SPART: variants seen among roughly 807,000 people sequenced by gnomAD.
SPART encodes spartin, also known as spastic paraplegia 20 (Troyer syndrome).
In SPART, 35 loss-of-function variants were observed where a neutral mutation model predicts 58.7. That is an observed-to-expected ratio of 0.60 (90% CI 0.46 to 0.79). The LOEUF is 0.79. SPART is among the 30% of genes least tolerant of loss of function. The pLI is 0.00. For synonymous variants in SPART, 284 were observed against 280.7 expected (o/e 1.01, Z -0.12); for missense variants, 730 against 786.1 (o/e 0.93, Z 0.85).
intron 5 of SPART, 116 bp downstream of exon 5, chr13:36,326,459 T>A (rs1275027437): frequency 7.4e-7 from 1 of 1,358,048 alleles, no homozygotes; most frequent in African/African-American, 1.4e-5. Context: ...AAATTGATCA[T>A]TTAAAACCAA....
intron 8 of SPART, 33 bp downstream of exon 8, chr13:36,312,112 G>C (rs1364476810): frequency 6.3e-7 from 1 of 1,581,614 alleles, no homozygotes; most frequent in African/African-American, 1.3e-5. Context: ...CAACAAAACA[G>C]AGATTTAGTC....
intron 1 of SPART, among the ~76,000 whole-genome samples, chr13:36,336,729 G>A (rs372052677): frequency 7.9e-5 from 12 of 152,246 alleles, no homozygotes; most frequent in Admixed American, 6.5e-5. Flanking sequence ...CCAAAAACAT[G>A]TATGGCAATA....
chr13:36,335,278 C>G lies in SPART; in HGVS notation c.553G>C (p.Val185Leu). 1.2e-6 allele frequency: 2 copies of G among 1,614,152 alleles called. No homozygotes were observed. The highest frequency in any genetic ancestry group is 8.5e-7 in the Non-Finnish European group (1 of 1,180,016). ...TCCCCAGAATCTGTTCCATAGGATA[C>G]AGTGTAGTGACCTTCAGCAGCTTGA... ...TPQAAEGHYT[V>L]SYGTDSGEFS... The change falls in exon 2 of 9, where the codon GTA (valine) becomes CTA (leucine). Residue 185 changes from valine to leucine, a missense_variant. Coordinates refer to ENST00000438666, the MANE Select transcript of SPART (RefSeq NM_015087.5).
chr13:36,335,347 G>A lies in SPART; in HGVS notation c.484C>T (p.Pro162Ser). 1 of 1,614,076 alleles carries A rather than the reference G, an allele frequency of 6.2e-7. No individual in the cohort carries two copies. The highest frequency in any genetic ancestry group is 1.1e-5 in the South Asian group (1 of 91,074). The part of the protein sequence containing the change: ...AVAAPASLSL[P>S]SQSCPAEAPP... ...GCTTCTGCTGGACAACTTTGTGATG[G>A]TAAAGACAGAGAAGCAGGTGCAGCA... Residue 162 changes from proline (P) to serine (S), a missense_variant, in exon 2 of 9, where the codon CCA becomes TCA. Coordinates refer to ENST00000438666, the MANE Select transcript of SPART (RefSeq NM_015087.5).
upstream of SPART, among the ~76,000 whole-genome samples, chr13:36,347,038 G>C (rs1413063669): frequency 6.6e-6 from 1 of 151,974 alleles, no homozygotes; most frequent in Non-Finnish European, 1.5e-5. Flanking sequence ...TCCTGATTCC[G>C]GGATACAAAG....
intron 1 of SPART, among the ~76,000 whole-genome samples, chr13:36,358,040 C>T (rs1885688411): frequency 6.6e-6 from 1 of 151,984 alleles, no homozygotes; most frequent in Non-Finnish European, 1.5e-5. Flanking sequence ...GATATTATAG[C>T]TGATTACCAG....
At chr13:36,369,859 C>G (rs984766017) in intron 1 of SPART, among the ~76,000 whole-genome samples, 1 of 152,152 alleles carries the variant, frequency 6.6e-6, no homozygotes, top group Admixed American at 6.5e-5. Context: ...GCAGGCCTGG[C>G]TCTTCATACC....
In SPART at chr13:36,335,470, C is replaced by A. The variant is rs146398746; in HGVS notation, c.361G>T (p.Asp121Tyr). 2.0e-3 allele frequency: 3,177 copies of A among 1,614,110 alleles called. 6 individuals carry two copies. The highest frequency in any genetic ancestry group is 2.2e-3 in the Non-Finnish European group (2,541 of 1,180,022). The stretch of plus-strand genomic sequence containing the variant: ...GGCTCTGGTAATTTTTCACACATGT[C>A]TTTAGGTGGAAATTCTGGATATAAC... ...PKLYPEFPPK[D>Y]MCEKLPEPQS... Residue 121 changes from aspartate to tyrosine, a missense_variant, in exon 2 of 9, where the codon GAC (aspartate) becomes TAC (tyrosine). Coordinates refer to ENST00000438666, the MANE Select transcript of SPART (RefSeq NM_015087.5).
upstream of SPART, among the ~76,000 whole-genome samples, chr13:36,350,530 G>A (rs1343130423): frequency 3.3e-5 from 5 of 152,204 alleles, no homozygotes; most frequent in Non-Finnish European, 7.3e-5. Flanking sequence ...TTTACAAGGA[G>A]ATTTGATTTG....
At chr13:36,320,437 T>C (rs1473659954) in intron 5 of SPART, among the ~76,000 whole-genome samples, 3 of 152,178 alleles carry the variant, frequency 2.0e-5, no homozygotes, top group African/African-American at 7.2e-5. Flanking sequence ...TTGATGGCAG[T>C]TCCACCAGGC....
intron 4 of SPART, among the ~76,000 whole-genome samples, chr13:36,327,682 A>G (rs1883064390): frequency 6.6e-6 from 1 of 152,210 alleles, no homozygotes; most frequent in Non-Finnish European, 1.5e-5. Flanking sequence ...GAAGGACAAC[A>G]GAAGTTAATA....
At chr13:36,341,547 G>T (rs1884590109) in intron 1 of SPART, among the ~76,000 whole-genome samples, 1 of 152,030 alleles carries the variant, frequency 6.6e-6, no homozygotes, top group Non-Finnish European at 1.5e-5. Context: ...GTACCTAGTG[G>T]CTACTGTCAT....
At chr13:36,353,723 T>C (rs1450925933) in intron 1 of SPART, among the ~76,000 whole-genome samples, 1 of 152,168 alleles carries the variant, frequency 6.6e-6, no homozygotes, top group Non-Finnish European at 1.5e-5. Context: ...GAAGCAGCAG[T>C]CACTCGTATT....
intron 2 of SPART, among the ~76,000 whole-genome samples, chr13:36,333,821 C>T (rs1003122218): frequency 2.0e-5 from 3 of 152,122 alleles, no homozygotes; most frequent in Non-Finnish European, 2.9e-5. Context: ...AAACCCCAAT[C>T]AATAAGCCTA....
intron 8 of SPART, chr13:36,308,466 G>T (rs1405722279): frequency 2.6e-5 from 4 of 151,970 alleles, no homozygotes; most frequent in Non-Finnish European, 5.9e-5. Context: ...AGGATAAAAA[G>T]AATAGCAATA....
intron 1 of SPART, among the ~76,000 whole-genome samples, chr13:36,342,907 C>T (rs1185572553): frequency 6.6e-6 from 1 of 152,196 alleles, no homozygotes; most frequent in Non-Finnish European, 1.5e-5. Context: ...AAGATCCTTT[C>T]ACAATCTTCC....
At chr13:36,307,330 T>C (rs1880609358) in intron 8 of SPART, among the ~76,000 whole-genome samples, 1 of 152,146 alleles carries the variant, frequency 6.6e-6, no homozygotes, top group African/African-American at 2.4e-5. Flanking sequence ...TGTTCAGTTA[T>C]ACAAAACTGG....
intron 5 of SPART, among the ~76,000 whole-genome samples, chr13:36,325,498 A>G (rs570579250): frequency 2.6e-5 from 4 of 152,144 alleles, no homozygotes; most frequent in African/African-American, 4.8e-5. Context: ...TTTAGTGGAC[A>G]TGGAAATCTG....
At chr13:36,354,935 G>A (rs932899276) in intron 1 of SPART, among the ~76,000 whole-genome samples, 2 of 152,152 alleles carry the variant, frequency 1.3e-5, no homozygotes, top group African/African-American at 4.8e-5. Context: ...CCTAGAAACA[G>A]AAAATGTAAG....
Sources: gnomAD v4.1 joint callset for allele counts (sites outside exome capture counted in the v4.1 genomes callset) on GRCh38, gnomAD v4.1.1 for gene constraint, MANE v1.5 for transcripts, NCBI Gene and HGNC (gene_info 2026-07-23, HGNC 2026-07-21) for gene names.